NBAS: variants seen among roughly 807,000 people sequenced by gnomAD.
The protein encoded by NBAS is NAG/BC035112 fusion.
NBAS carries 219 observed loss-of-function variants against 302.5 expected under a neutral mutation model. The ratio of observed to expected loss-of-function variants is 0.72; its 90% confidence interval spans 0.65 to 0.81. The LOEUF (loss-of-function observed/expected upper bound fraction) is 0.81, where lower values mean the gene tolerates loss of function less well. NBAS is among the 30% of genes least tolerant of loss of function. NBAS has a pLI of 0.00. For synonymous variants in NBAS, 1,118 were observed against 1,021.6 expected (o/e 1.09, Z -1.80); for missense variants, 2,932 against 2,841.6 (o/e 1.03, Z -0.72).
chr2:14,986,226 G>GA, the NBAS span, among the ~76,000 whole-genome samples: 6,902 of 143,376 alleles, frequency 0.048, 378 homozygotes, highest in African/African-American at 0.13. Flanking sequence ...CAGCATAATT[G>GA]GGGAAAAAAA....
the NBAS span, among the ~76,000 whole-genome samples, chr2:15,034,233 A>G: frequency 5.8e-5 from 4 of 69,004 alleles, no homozygotes; most frequent in Non-Finnish European, 1.1e-4. Context: ...GGAAAGAAAG[A>G]AGGAAAGAAA....
chr2:14,861,040 G>A, the NBAS span, among the ~76,000 whole-genome samples: 1 of 152,098 alleles, frequency 6.6e-6, no homozygotes, highest in Non-Finnish European at 1.5e-5. Context: ...TATGCAAGCT[G>A]TTTTGTATAA....
the NBAS span, among the ~76,000 whole-genome samples, chr2:14,943,627 C>A: frequency 1.3e-5 from 2 of 151,998 alleles, no homozygotes; most frequent in Non-Finnish European, 2.9e-5. Flanking sequence ...AATTAATAAC[C>A]CTTACCCTTG....
At chr2:15,057,106 A>C in the NBAS span, among the ~76,000 whole-genome samples, 1 of 152,040 alleles carries the variant, frequency 6.6e-6, no homozygotes, top group Non-Finnish European at 1.5e-5. Flanking sequence ...GTGGGATTAC[A>C]GGTGTGAGCC....
At chr2:15,327,682 C>T (rs1324025128) in intron 38 of NBAS, 68 bp downstream of exon 38, 10 of 1,592,830 alleles carry the variant, frequency 6.3e-6, no homozygotes, top group African/African-American at 4.0e-5. Flanking sequence ...TGTTCATTCA[C>T]AAATTTTTGG....
chr2:15,468,252 T>C (rs1181243991), intron 17 of NBAS, 130 bp downstream of exon 17: 2 of 1,069,502 alleles, frequency 1.9e-6, no homozygotes, highest in Non-Finnish European at 2.8e-6. Flanking sequence ...GGTAAGACAG[T>C]ATTGATCAAA....
the NBAS span, among the ~76,000 whole-genome samples, chr2:14,913,037 C>T: frequency 6.6e-6 from 1 of 152,170 alleles, no homozygotes; most frequent in Admixed American, 6.5e-5. Context: ...AAACCTTTTA[C>T]AAAACCCATT....
chr2:15,108,981 G>A, the NBAS span, among the ~76,000 whole-genome samples: 1 of 152,200 alleles, frequency 6.6e-6, no homozygotes, highest in African/African-American at 2.4e-5. Flanking sequence ...AGGAAATAAA[G>A]GAACCAGTCA....
At chr2:15,050,037 T>C in the NBAS span, among the ~76,000 whole-genome samples, 1 of 152,118 alleles carries the variant, frequency 6.6e-6, no homozygotes, top group East Asian at 1.9e-4. Context: ...TTGAACAAGA[T>C]ATGTGGCCTC....
chr2:15,288,348 C>T (rs1008684000), intron 41 of NBAS, among the ~76,000 whole-genome samples: 1 of 152,116 alleles, frequency 6.6e-6, no homozygotes, highest in Non-Finnish European at 1.5e-5. Flanking sequence ...CCATGAAGCT[C>T]CACGAGAATG....
intron 50 of NBAS, among the ~76,000 whole-genome samples, chr2:15,186,083 TATAC>T (rs1177427632): frequency 1.4e-4 from 18 of 129,082 alleles, no homozygotes; most frequent in East Asian, 4.4e-4. Context: ...TACATATATA[TATAC>T]ACACACACAC....
intron 31 of NBAS, among the ~76,000 whole-genome samples, chr2:15,372,459 C>G (rs74343701): frequency 0.027 from 4,173 of 152,256 alleles, 151 homozygotes; most frequent in African/African-American, 0.084. Flanking sequence ...ACAAAATGAA[C>G]TACGTACACT....
At chr2:14,784,576 T>G in the NBAS span, among the ~76,000 whole-genome samples, 1 of 152,226 alleles carries the variant, frequency 6.6e-6, no homozygotes, top group African/African-American at 2.4e-5. Context: ...AAATAGGGAA[T>G]CCTTTCCCCA....
chr2:15,334,381 A>G (rs1190098293), intron 35 of NBAS, among the ~76,000 whole-genome samples: 1 of 151,718 alleles, frequency 6.6e-6, no homozygotes, highest in Non-Finnish European at 1.5e-5. Flanking sequence ...GTAGAGATGG[A>G]GTTTCACCGT....
chr2:15,288,669 T>C (rs1670168609), intron 41 of NBAS, among the ~76,000 whole-genome samples: 1 of 152,226 alleles, frequency 6.6e-6, no homozygotes, highest in Non-Finnish European at 1.5e-5. Flanking sequence ...GAAAGACTAC[T>C]GCAGGACTCC....
intron 12 of NBAS, among the ~76,000 whole-genome samples, chr2:15,485,011 A>C (rs1680565289): frequency 6.6e-6 from 1 of 152,068 alleles, no homozygotes; most frequent in Non-Finnish European, 1.5e-5. Flanking sequence ...GAAAGACTCA[A>C]AGAAACTATG....
At chr2:15,264,233 T>TTC (rs1362214113) in intron 44 of NBAS, among the ~76,000 whole-genome samples, 1 of 152,224 alleles carries the variant, frequency 6.6e-6, no homozygotes, top group Non-Finnish European at 1.5e-5. Flanking sequence ...CGTGTTAAAA[T>TTC]ATGTTTTGGT....
At chr2:15,176,714 C>T (rs1222698739) in intron 51 of NBAS, among the ~76,000 whole-genome samples, 1 of 152,028 alleles carries the variant, frequency 6.6e-6, no homozygotes, top group Non-Finnish European at 1.5e-5. Flanking sequence ...GAGCATTTTC[C>T]TTTGAATGTC....
At chr2:14,978,835 C>T in the NBAS span, among the ~76,000 whole-genome samples, 1 of 152,190 alleles carries the variant, frequency 6.6e-6, no homozygotes, top group African/African-American at 2.4e-5. Context: ...TCCCTTCTCC[C>T]TTTTTCCCCC....
Sources: gnomAD v4.1 joint callset for allele counts (sites outside exome capture counted in the v4.1 genomes callset) on GRCh38, gnomAD v4.1.1 for gene constraint, MANE v1.5 for transcripts, NCBI Gene and HGNC (gene_info 2026-07-23, HGNC 2026-07-21) for gene names.